The following MORF4L2 variants were observed in gnomAD, a reference collection of about 807,000 sequenced individuals.
The protein encoded by MORF4L2 is mortality factor 4 like 2, also known as mortality factor 4-like protein 2.
A neutral mutation model predicts 12.0 loss-of-function variants in MORF4L2; 1 was observed. That is an observed-to-expected ratio of 0.08 (90% CI 0.03 to 0.40). The LOEUF (loss-of-function observed/expected upper bound fraction) is 0.40. Ranked by LOEUF, MORF4L2 falls within the 10% of genes least tolerant of loss-of-function variation. MORF4L2 has a pLI of 0.98. For synonymous variants in MORF4L2, 69 were observed against 81.6 expected (o/e 0.85, Z 0.83); for missense variants, 123 against 214.0 (o/e 0.57, Z 2.65).
intron 2 of MORF4L2, among the ~76,000 whole-genome samples, chrX:103,679,048 A>G (rs1422937363): frequency 8.9e-6 from 1 of 112,318 alleles, no homozygotes; most frequent in Admixed American, 9.4e-5. Context: ...CCTATTCTTC[A>G]ACAGGAAAAT....
In MORF4L2 at chrX:103,685,614, C is replaced by A. The variant is rs759091781; in HGVS notation, c.-267-354G>T. ...CTATAACCCCACCCACTGCTCCCCC[C>A]CACCCCCGACTTTTTCAAGCTCACC... On this transcript the variant is annotated intron_variant, in intron 1 of 3. Transcript: ENST00000441076. The A allele has an allele frequency of 5.5e-5, 6 of 109,311 alleles. No homozygotes were observed. In the East Asian group the frequency reaches 1.1e-3, roughly 21 times the overall value. The allele number at this position is 109,311 out of a possible 1,213,427, so 9.0% of individuals were successfully genotyped here. A position where few individuals can be genotyped will look rare whatever the true frequency, so the allele number is the denominator to read the frequency against.
Position 103,685,160 on chromosome X carries a change from G to C in MORF4L2, c.-178+11C>G, listed in dbSNP as rs1467608199. ...CTGTTTGAGAACTGAGGACAGAAGG[G>C]AGGCACTTACCCAAGATTCTGTAAT... On this transcript the variant is annotated intron_variant, in intron 2 of 3. Transcript: ENST00000441076. The C allele has an allele frequency of 8.9e-6, 1 of 112,190 alleles. No individual in the cohort carries two copies. Among genetic ancestry groups the C allele is most frequent in the Non-Finnish European group, 1.9e-5 (1 of 53,224 alleles). 9.2% of individuals were successfully genotyped at this position (112,190 alleles called of 1,213,427 possible). A position where few individuals can be genotyped will look rare whatever the true frequency, so the allele number is the denominator to read the frequency against.
chrX:103,684,455 T>G (rs969209053), intron 2 of MORF4L2, among the ~76,000 whole-genome samples: 1 of 112,244 alleles, frequency 8.9e-6, no homozygotes, highest in Non-Finnish European at 1.9e-5. Flanking sequence ...CCTTTCTAGA[T>G]TGTTAAGACA....
intron 2 of MORF4L2, among the ~76,000 whole-genome samples, chrX:103,679,018 G>T (rs894795675): frequency 1.2e-4 from 13 of 112,175 alleles, no homozygotes; most frequent in Non-Finnish European, 1.9e-4. Flanking sequence ...TTGCAATACT[G>T]AAGAACTGGA....
In MORF4L2 at chrX:103,676,803, G is replaced by A. The variant is rs1210990567; in HGVS notation, c.225C>T (p.Thr75=). ...CAGGAGTCTTCTGCTTGTTCTTTCT[G>A]GTCTTCCTCACGGATCCTGAAGGGG... The part of the protein sequence containing the change: ...ENPPSGSVRK[T]RKNKQKTPGN... Residue 75 remains threonine, a synonymous_variant, in exon 4 of 4, where the codon ACC becomes ACT. Transcript: ENST00000441076. 2.7e-5 allele frequency: 33 copies of A among 1,206,584 alleles called. No homozygotes were observed. Among genetic ancestry groups the A allele is most frequent in the Non-Finnish European group, 3.7e-5 (33 of 894,364 alleles).
At chrX:103,679,521 CAA>C (rs1174962054) in intron 2 of MORF4L2, among the ~76,000 whole-genome samples, 2 of 95,986 alleles carry the variant, frequency 2.1e-5, no homozygotes, top group Non-Finnish European at 2.1e-5. Context: ...ACTCCATCTC[CAA>C]AAAAAAAAAG....
intron 2 of MORF4L2, among the ~76,000 whole-genome samples, chrX:103,680,918 T>C (rs1171576131): frequency 8.9e-6 from 1 of 111,944 alleles, no homozygotes; most frequent in African/African-American, 3.3e-5. Context: ...AGAAAGCCCA[T>C]CTTGGGGCTC....
At chrX:103,678,747 G>A (rs2073906392) in intron 2 of MORF4L2, 96 bp from the exon 3 acceptor site, 1 of 112,614 alleles carries the variant, frequency 8.9e-6, no homozygotes, top group African/African-American at 3.2e-5. Context: ...ATTGTAAATC[G>A]TGGTATCAGA....
In MORF4L2 at chrX:103,676,545, C is replaced by T. The variant is rs2073851364; in HGVS notation, c.483G>A (p.Glu161=). 5.8e-6 allele frequency: 7 copies of T among 1,211,104 alleles called. No individual in the cohort carries two copies. The highest frequency in any genetic ancestry group is 7.8e-6 in the Non-Finnish European group (7 of 895,271). Residue 161 remains glutamate, a synonymous_variant, in exon 4 of 4, where the codon GAG becomes GAA. Coordinates refer to ENST00000441076, the MANE Select transcript of MORF4L2 (RefSeq NM_012286.3). ...CCTGCGATTTCTTGCAATTTGCATA[C>T]TCCTCCAGAATTGCATCTACATTTT... is the stretch of plus-strand genomic sequence containing the variant. The part of the protein sequence containing the change: ...AKKNVDAILE[E]YANCKKSQGN...
chrX:103,682,788 A>C (rs2074015252), intron 2 of MORF4L2, among the ~76,000 whole-genome samples: 1 of 112,304 alleles, frequency 8.9e-6, no homozygotes. Context: ...ATATGTGCAT[A>C]CATCTCTCAA....
intron 2 of MORF4L2, among the ~76,000 whole-genome samples, chrX:103,682,671 C>T (rs1013607755): frequency 8.9e-6 from 1 of 112,014 alleles, no homozygotes; most frequent in African/African-American, 3.2e-5. Flanking sequence ...AGGTTGTTTG[C>T]TATTATTTTC....
upstream of MORF4L2, chrX:103,687,296 A>G (rs943871651): frequency 3.6e-5 from 4 of 111,548 alleles, no homozygotes; most frequent in Admixed American, 2.8e-4. Context: ...CCGAACACGG[A>G]AAAAAAAGGC....
Position 103,676,844 on chromosome X carries a change from G to A in MORF4L2, c.184C>T (p.Arg62Cys). 2 of 1,207,375 alleles carry A rather than the reference G, an allele frequency of 1.7e-6. No individual in the cohort carries two copies. Among genetic ancestry groups the A allele is most frequent in the Non-Finnish European group, 1.1e-6 (1 of 894,538 alleles). ...EPALPGRWGG[R>C]SAENPPSGSV... ...CCTGAAGGGGGGTTCTCTGCAGAGC[G>A]ACCACCCCATCTTCCTGGGAGAGCT... is the stretch of plus-strand genomic sequence containing the variant. The change falls in exon 4 of 4, where the codon CGC becomes TGC. Residue 62 changes from arginine to cysteine, a missense_variant. Arg to Cys is a radical substitution (Grantham distance 180). Coordinates refer to ENST00000441076, the MANE Select transcript of MORF4L2 (RefSeq NM_012286.3).
intron 2 of MORF4L2, among the ~76,000 whole-genome samples, chrX:103,679,632 C>T (rs1314374841): frequency 9.1e-6 from 1 of 109,455 alleles, no homozygotes; most frequent in Non-Finnish European, 1.9e-5. Context: ...TATAAATATG[C>T]ATGGAAATAT....
chrX:103,679,349 CAAAA>C (rs35036219), intron 2 of MORF4L2, among the ~76,000 whole-genome samples: 8 of 63,275 alleles, frequency 1.3e-4, no homozygotes, highest in Non-Finnish European at 2.0e-4. Flanking sequence ...ACTAAAAATA[CAAAA>C]AAAAAAAAAA....
intron 2 of MORF4L2, among the ~76,000 whole-genome samples, chrX:103,681,743 AT>A (rs1272641538): frequency 4.5e-5 from 5 of 111,075 alleles, no homozygotes; most frequent in African/African-American, 9.8e-5. Context: ...CATTTAAAAA[AT>A]TTTTTTTCCT....
At chrX:103,677,510 A>G (rs1056541977) in intron 3 of MORF4L2, among the ~76,000 whole-genome samples, 10 of 112,309 alleles carry the variant, frequency 8.9e-5, no homozygotes, top group African/African-American at 3.2e-4. Context: ...ATGATGACAG[A>G]GTCAAGAGAA....
chrX:103,675,966 T>C lies in MORF4L2; in HGVS notation c.*195A>G. 1 of 432,703 alleles carries C rather than the reference T, an allele frequency of 2.3e-6. No individual in the cohort carries two copies. The highest frequency in any genetic ancestry group is 3.9e-6 in the Non-Finnish European group (1 of 255,579). 35.7% of individuals were successfully genotyped at this position (432,703 alleles called of 1,213,427 possible). A position where few individuals can be genotyped will look rare whatever the true frequency, so the allele number is the denominator to read the frequency against. ...TCTTTGTTCTAATTACTGCATACAC[T>C]GGTAGCAACTTTGAAATGAGAAAAG... On this transcript the variant is annotated 3_prime_UTR_variant, in exon 4 of 4. Coordinates refer to ENST00000441076, the MANE Select transcript of MORF4L2 (RefSeq NM_012286.3).
intron 2 of MORF4L2, chrX:103,684,553 A>T (rs756398754): frequency 2.7e-5 from 3 of 109,149 alleles, no homozygotes; most frequent in African/African-American, 6.6e-5. Flanking sequence ...ATTAATTATT[A>T]TTTTTTTTTT....
Sources: gnomAD v4.1 joint callset for allele counts (sites outside exome capture counted in the v4.1 genomes callset) on GRCh38, gnomAD v4.1.1 for gene constraint, MANE v1.5 for transcripts, NCBI Gene and HGNC (gene_info 2026-07-23, HGNC 2026-07-21) for gene names.